Variants in BRPF1 observed in about 807,000 individuals in gnomAD.
BRPF1 encodes bromodomain and PHD finger containing 1.
Under a neutral mutation model 115.0 loss-of-function variants are expected in BRPF1, and 15 were observed. That is an observed-to-expected ratio of 0.13 (90% confidence interval 0.09 to 0.20). The LOEUF (loss-of-function observed/expected upper bound fraction) is 0.20, where lower values mean the gene tolerates loss of function less well. Ranked by LOEUF, BRPF1 falls within the 10% of genes least tolerant of loss-of-function variation. BRPF1 has a pLI of 1.00. For missense variants in BRPF1, 1,118 were observed against 1,638.3 expected, an observed-to-expected ratio of 0.68 and a Z score of 5.48; for synonymous variants, 647 against 619.8, an observed-to-expected ratio of 1.04 and a Z score of -0.65.
At position 9,743,318 on chromosome 3, in the gene BRPF1, C is replaced by T; in HGVS notation, c.2311+65C>T. 2.6e-6 allele frequency: 4 copies of T among 1,544,380 alleles called. No homozygotes were observed. The highest frequency in any genetic ancestry group is 3.5e-6 in the Non-Finnish European group (4 of 1,142,390). ...CGGGGATGGACAGCTTTCCAAAAGT[C>T]CCCTCCTGGGAGCAGGCAGTGTAGG... On this transcript the variant is annotated intron_variant, in intron 7 of 13. Transcript: ENST00000383829. This position sits in a 1 kb window ranked among gnomAD's most constrained non-coding sequence, Gnocchi z 6.1.
Position 9,745,845 on chromosome 3 carries a change from G to T in BRPF1, c.3239G>T (p.Trp1080Leu). 1 of 1,614,152 alleles carries T rather than the reference G, an allele frequency of 6.2e-7. No individual in the cohort carries two copies. The highest frequency in any genetic ancestry group is 8.5e-7 in the Non-Finnish European group (1 of 1,180,018). ...VRKSLGRGAGWLSEDEDSPLD... is the reference protein window; with the variant it reads ...VRKSLGRGAGLLSEDEDSPLD... ...AAGAGTCTGGGCCGGGGAGCTGGCT[G>T]GCTGTCAGAGGATGAGGACTCCCCG... The change falls in exon 12 of 14, where the codon TGG (tryptophan) becomes TTG (leucine). Residue 1080 changes from tryptophan (W) to leucine (L), a missense_variant. Trp to Leu is a moderately conservative substitution (Grantham distance 61). This residue lies in a region of BRPF1 where 100 missense variants were observed against 109.9 expected (regional missense o/e 0.91). Coordinates refer to ENST00000383829, the MANE Select transcript of BRPF1 (RefSeq NM_001003694.2). This position sits in a 1 kb window ranked among gnomAD's most constrained non-coding sequence, Gnocchi z 5.1.
In BRPF1 at chr3:9,743,707, G is replaced by A. The variant is rs769038359; in HGVS notation, c.2441G>A (p.Arg814His). Residue 814 changes from arginine to histidine, a missense_variant, in exon 8 of 14, where the codon CGT (arginine) becomes CAT (histidine). This residue lies in a region of BRPF1 where 223 missense variants were observed against 240.7 expected (regional missense o/e 0.93). Coordinates refer to ENST00000383829, the MANE Select transcript of BRPF1 (RefSeq NM_001003694.2). This position sits in a 1 kb window ranked among gnomAD's most constrained non-coding sequence, Gnocchi z 6.1. Reference sequence around the variant, plus strand: ...AAGCAGAGTGTGGGCCGCTCACGGCGTGCAAAGATGATCAAGAAAGAGATG... The same window carrying A: ...AAGCAGAGTGTGGGCCGCTCACGGCATGCAAAGATGATCAAGAAAGAGATG... ...ASKQSVGRSR[R>H]AKMIKKEMTA... The A allele has an allele frequency of 5.6e-6, 9 of 1,614,060 alleles. No individual in the cohort carries two copies. Among genetic ancestry groups the A allele is most frequent in the East Asian group, 4.5e-5 (2 of 44,898 alleles).
Position 9,743,098 on chromosome 3 carries a change from T to C in BRPF1, c.2156T>C (p.Ile719Thr), listed in dbSNP as rs2077059130. Residue 719 changes from isoleucine (I) to threonine (T), a missense_variant, in exon 7 of 14, where the codon ATC becomes ACC. Ile to Thr is a moderately conservative substitution (Grantham distance 89, BLOSUM62 -1). Around this residue, in one of 10 missense-constraint regions of BRPF1, gnomAD observed 178 missense variants for 303.7 expected, o/e 0.59. Coordinates refer to ENST00000383829, the MANE Select transcript of BRPF1 (RefSeq NM_001003694.2). The surrounding 1 kb of genome is among the most constrained non-coding windows in gnomAD (Gnocchi z 6.1). ...CTCAAGTATAACGCCAAGGACACCA[T>C]CTTCTACCGGGCAGCAGTGCGGCTT... ...NCLKYNAKDT[I>T]FYRAAVRLRE... The C allele has an allele frequency of 6.2e-7, 1 of 1,614,066 alleles. No homozygotes were observed. The highest frequency in any genetic ancestry group is 8.5e-7 in the Non-Finnish European group (1 of 1,180,044).
Position 9,734,252 on chromosome 3 carries a change from A to T in BRPF1, c.112A>T (p.Ile38Phe). The T allele has an allele frequency of 1.2e-6, 2 of 1,614,106 alleles. No homozygotes were observed. Among genetic ancestry groups the T allele is most frequent in the Non-Finnish European group, 1.7e-6 (2 of 1,180,020 alleles). The part of the protein sequence containing the change: ...CRKVYKSYSG[I>F]EYHLYHYDHD... ...AAAGGTCTACAAGAGTTACAGTGGT[A>T]TTGAGTACCACCTGTACCACTATGA... is the stretch of plus-strand genomic sequence containing the variant. The change falls in exon 2 of 14, where the codon ATT (isoleucine) becomes TTT (phenylalanine). Residue 38 changes from isoleucine to phenylalanine, a missense_variant. Physicochemically the swap from Ile to Phe is conservative, Grantham distance 21. Transcript: ENST00000383829. The surrounding 1 kb of genome is among the most constrained non-coding windows in gnomAD (Gnocchi z 5.7).
In BRPF1 at chr3:9,734,909, AC is replaced by A. The variant is rs1335675030; in HGVS notation, c.599+171del. On this transcript the variant is annotated intron_variant, in intron 2 of 13. Coordinates refer to ENST00000383829, the MANE Select transcript of BRPF1 (RefSeq NM_001003694.2). This position sits in a 1 kb window ranked among gnomAD's most constrained non-coding sequence, Gnocchi z 5.7. Reference sequence around the variant, plus strand: ...GGTACGCCACTAATGCACTTACTCTACAGTGCCACACGCTACTCCTTTATTT... The same window carrying A: ...GGTACGCCACTAATGCACTTACTCTAAGTGCCACACGCTACTCCTTTATTT... 6.6e-6 allele frequency among the ~76,000 whole-genome samples: 1 copy of A among 152,050 alleles called. No individual in the cohort carries two copies. The highest frequency in any genetic ancestry group is 2.4e-5 in the African/African-American group (1 of 41,374).
chr3:9,741,014 G>T, intron 4 of BRPF1, 73 bp downstream of exon 4: 1 of 1,484,334 alleles, frequency 6.7e-7, no homozygotes, highest in East Asian at 2.4e-5. Context: ...TGCAACTGTA[G>T]TTTCCAGTGT....
In BRPF1 at chr3:9,734,188, G is replaced by A. The variant is rs757099971; in HGVS notation, c.48G>A (p.Ala16=). ...AGACTTTCTGCCACAACTTGCGGGC[G>A]ACTAAGCCACCATACGAGTGCCCGG... is the stretch of plus-strand genomic sequence containing the variant. ...DVKTFCHNLR[A]TKPPYECPVE... The change falls in exon 2 of 14, where the codon GCG becomes GCA. Residue 16 remains alanine, a synonymous_variant. Coordinates refer to ENST00000383829, the MANE Select transcript of BRPF1 (RefSeq NM_001003694.2). The surrounding 1 kb of genome is among the most constrained non-coding windows in gnomAD (Gnocchi z 5.7). 3.0e-5 allele frequency: 48 copies of A among 1,613,032 alleles called. No individual in the cohort carries two copies. Among genetic ancestry groups the A allele is most frequent in the Non-Finnish European group, 3.5e-5 (41 of 1,179,362 alleles).
At chr3:9,737,293 T>TA (rs1184545615) in intron 2 of BRPF1, among the ~76,000 whole-genome samples, 5 of 152,170 alleles carry the variant, frequency 3.3e-5, no homozygotes, top group Non-Finnish European at 7.3e-5. Flanking sequence ...GTTAGACACA[T>TA]ACACAGCTAT....
chr3:9,736,010 T>A (rs1007253019), intron 2 of BRPF1, among the ~76,000 whole-genome samples: 4 of 62,052 alleles, frequency 6.4e-5, no homozygotes, highest in Non-Finnish European at 1.3e-4. Context: ...CTCCATTTTT[T>A]TTTTTTTTTT....
At chr3:9,744,603 G>A in intron 9 of BRPF1, 95 bp downstream of exon 9, 1 of 982,848 alleles carries the variant, frequency 1.0e-6, no homozygotes, top group East Asian at 2.7e-5. Flanking sequence ...GCCCATAAAA[G>A]AGCGAGCTAG....
chr3:9,743,141 T>A lies in BRPF1; in HGVS notation c.2199T>A (p.Ala733=). 1 of 1,614,238 alleles carries A rather than the reference T, an allele frequency of 6.2e-7. No individual in the cohort carries two copies. Among genetic ancestry groups the A allele is most frequent in the Non-Finnish European group, 8.5e-7 (1 of 1,180,036 alleles). ...AAVRLREQGG[A]VLRQARRQAE... ...TGCGGCTTCGTGAGCAGGGTGGTGCTGTGCTCCGCCAGGCCCGGCGCCAGG... is the reference window on the plus strand; with the variant it reads ...TGCGGCTTCGTGAGCAGGGTGGTGCAGTGCTCCGCCAGGCCCGGCGCCAGG... Residue 733 remains alanine (A), a synonymous_variant, in exon 7 of 14, where the codon GCT becomes GCA. Transcript: ENST00000383829. The surrounding 1 kb of genome is among the most constrained non-coding windows in gnomAD (Gnocchi z 6.1).
chr3:9,735,247 A>G (rs1419015329), intron 2 of BRPF1, among the ~76,000 whole-genome samples: 3 of 152,046 alleles, frequency 2.0e-5, no homozygotes, highest in Non-Finnish European at 4.4e-5. Context: ...TCCTGGACTC[A>G]AGTGATCCAC....
Position 9,741,370 on chromosome 3 carries a change from G to C in BRPF1, c.1785G>C (p.Arg595=), listed in dbSNP as rs780094179. ...AGCTCAAGTCCTGGCAGCGGCTCCG[G>C]CATGACTTGGAGCGAGCTCGGCTGC... ...KEQLKSWQRL[R]HDLERARLLV... is the part of the protein sequence containing the mutation. Residue 595 remains arginine, a synonymous_variant, in exon 5 of 14, where the codon CGG becomes CGC. Coordinates refer to ENST00000383829, the MANE Select transcript of BRPF1 (RefSeq NM_001003694.2). The C allele has an allele frequency of 1.2e-6, 2 of 1,609,228 alleles. No homozygotes were observed. The highest frequency in any genetic ancestry group is 1.7e-6 in the Non-Finnish European group (2 of 1,176,594).
In BRPF1 at chr3:9,741,636, CAA is replaced by C. The variant is rs5846643; in HGVS notation, c.1854+216_1854+217del. Among the ~76,000 whole-genome samples the C allele has an allele frequency of 6.3e-3, 562 of 89,216 alleles. 4 individuals carry two copies. The highest frequency in any genetic ancestry group is 0.015 in the African/African-American group (330 of 22,094). 58.5% of individuals were successfully genotyped at this position (89,216 alleles called of 152,430 possible). A position where few individuals can be genotyped will look rare whatever the true frequency, so the allele number is the denominator to read the frequency against. ...TGGGCGACAGAGCGAGACTCCGTCTCAAAAAAAAAAAAAAAAAAAAGACCCAG... is the reference window on the plus strand; with the variant it reads ...TGGGCGACAGAGCGAGACTCCGTCTCAAAAAAAAAAAAAAAAAAGACCCAG... On this transcript the variant is annotated intron_variant, in intron 5 of 13. Coordinates refer to ENST00000383829, the MANE Select transcript of BRPF1 (RefSeq NM_001003694.2).
intron 3 of BRPF1, among the ~76,000 whole-genome samples, chr3:9,740,309 G>A (rs1012934823): frequency 5.3e-5 from 8 of 152,206 alleles, no homozygotes; most frequent in Non-Finnish European, 7.3e-5. Context: ...GAAAAGCGGG[G>A]AAGGGGAAGC....
rs939722352 is a variant in BRPF1 at position 9,747,148 on chromosome 3, C to T, written c.3480-18C>T. 5.6e-6 allele frequency: 9 copies of T among 1,613,474 alleles called. No individual in the cohort carries two copies. Among genetic ancestry groups the T allele is most frequent in the Admixed American group, 5.0e-5 (3 of 59,974 alleles). On this transcript the variant is annotated intron_variant, in intron 13 of 13. Transcript: ENST00000383829. The surrounding 1 kb of genome is among the most constrained non-coding windows in gnomAD (Gnocchi z 5.6). ...TTCTCCCTGAGATGATTTATTTGATCTTCACCTTATCCTATAGGCAGTGGC... is the reference window on the plus strand; with the variant it reads ...TTCTCCCTGAGATGATTTATTTGATTTTCACCTTATCCTATAGGCAGTGGC...
chr3:9,746,199 CCT>C (rs2077123152), intron 12 of BRPF1, 99 bp from the exon 13 acceptor site: 1 of 1,387,326 alleles, frequency 7.2e-7, no homozygotes, highest in African/African-American at 1.5e-5. Flanking sequence ...AGCATGATAC[CCT>C]CTCTGTCCCC....
chr3:9,746,599 G>GA (rs2077131334), intron 13 of BRPF1, 145 bp downstream of exon 13: 3 of 1,020,484 alleles, frequency 2.9e-6, no homozygotes, highest in African/African-American at 3.3e-5. Flanking sequence ...TTTTTTGAGC[G>GA]AAAGGGTTGT....
Position 9,739,192 on chromosome 3 carries a change from G to A in BRPF1, c.793G>A (p.Asp265Asn), listed in dbSNP as rs543012953. The A allele has an allele frequency of 8.7e-6, 14 of 1,613,844 alleles. No individual in the cohort carries two copies. The highest frequency in any genetic ancestry group is 2.2e-5 in the South Asian group (2 of 91,044). Residue 265 changes from aspartate (D) to asparagine (N), a missense_variant, in exon 3 of 14, where the codon GAC becomes AAC. Coordinates refer to ENST00000383829, the MANE Select transcript of BRPF1 (RefSeq NM_001003694.2). ...GTACTTTGAGAGTCATAATAAAGGCGACCCTAATGCGCTAGTGGACGAGGA... is the reference window on the plus strand; with the variant it reads ...GTACTTTGAGAGTCATAATAAAGGCAACCCTAATGCGCTAGTGGACGAGGA... ...ESYFESHNKGDPNALVDEDAV... is the reference protein window; with the variant it reads ...ESYFESHNKGNPNALVDEDAV...
Sources: gnomAD v4.1 joint callset for allele counts (sites outside exome capture counted in the v4.1 genomes callset) on GRCh38, gnomAD v4.1.1 for gene constraint, gnomAD v4.1.1 regional missense constraint, Gnocchi (gnomAD v3.1) non-coding constraint, MANE v1.5 for transcripts, NCBI Gene and HGNC (gene_info 2026-07-23, HGNC 2026-07-21) for gene names.